PPP1R1C: variants seen among roughly 807,000 people sequenced by gnomAD.
PPP1R1C encodes protein phosphatase 1 regulatory subunit 1C.
PPP1R1C carries 15 observed loss-of-function variants against 17.4 expected under a neutral mutation model. That is an observed-to-expected ratio of 0.86 (90% CI 0.58 to 1.33). The LOEUF is 1.33. PPP1R1C is among the 40% of genes most tolerant of loss of function. The pLI, the probability that PPP1R1C is intolerant of heterozygous loss-of-function variation, is 0.00. For synonymous variants in PPP1R1C, 35 were observed against 43.1 expected (o/e 0.81, Z 0.73); for missense variants, 143 against 130.0 (o/e 1.10, Z -0.48).
chr2:182,091,488 TAAAAA>T (rs140631695), intron 4 of PPP1R1C, among the ~76,000 whole-genome samples: 1 of 146,320 alleles, frequency 6.8e-6, no homozygotes, highest in Non-Finnish European at 1.5e-5. Context: ...AAAAAAATAA[TAAAAA>T]AAAAAGGTAA....
At chr2:182,008,102 A>G (rs11893990) in intron 2 of PPP1R1C, among the ~76,000 whole-genome samples, 3 of 151,836 alleles carry the variant, frequency 2.0e-5, no homozygotes, top group African/African-American at 4.8e-5. Context: ...AAAATAAAAT[A>G]AAATGAAATC....
At chr2:182,048,455 A>C (rs779900391) in intron 2 of PPP1R1C, among the ~76,000 whole-genome samples, 24 of 152,248 alleles carry the variant, frequency 1.6e-4, no homozygotes, top group Non-Finnish European at 3.1e-4. Context: ...ATTTAGCCTT[A>C]CTAAAAAGAA....
chr2:182,067,844 A>G (rs552928214), intron 4 of PPP1R1C, among the ~76,000 whole-genome samples: 1 of 152,200 alleles, frequency 6.6e-6, no homozygotes, highest in East Asian at 1.9e-4. Context: ...GTACTTGGAA[A>G]CAGAGTTTAT....
intron 2 of PPP1R1C, among the ~76,000 whole-genome samples, chr2:182,003,656 C>T (rs1685835246): frequency 6.6e-6 from 1 of 150,406 alleles, no homozygotes; most frequent in Non-Finnish European, 1.5e-5. Context: ...AGCTAATAAA[C>T]TCAATAGTCA....
At chr2:181,974,305 T>C (rs1685060284) in intron 1 of PPP1R1C, among the ~76,000 whole-genome samples, 1 of 152,218 alleles carries the variant, frequency 6.6e-6, no homozygotes, top group Non-Finnish European at 1.5e-5. Flanking sequence ...TCTTACTTGA[T>C]ATTTATCTAT....
At chr2:182,077,872 A>G (rs1250639543) in intron 4 of PPP1R1C, among the ~76,000 whole-genome samples, 2 of 152,200 alleles carry the variant, frequency 1.3e-5, no homozygotes, top group Non-Finnish European at 2.9e-5. Context: ...GTACAAGTAG[A>G]AAATAATGTT....
intron 2 of PPP1R1C, among the ~76,000 whole-genome samples, chr2:182,030,568 G>T (rs374075645): frequency 1.3e-5 from 2 of 150,024 alleles, no homozygotes; most frequent in Non-Finnish European, 3.0e-5. Context: ...CAGTCTGCCC[G>T]TTCTCAGATC....
At chr2:182,098,054 GTTTCT>G (rs1445315978) in intron 4 of PPP1R1C, among the ~76,000 whole-genome samples, 1 of 151,824 alleles carries the variant, frequency 6.6e-6, no homozygotes, top group Non-Finnish European at 1.5e-5. Context: ...AAGAAAAAGT[GTTTCT>G]TTTCTTTTAC....
chr2:182,020,424 A>G (rs559029805), intron 2 of PPP1R1C, among the ~76,000 whole-genome samples: 6 of 152,322 alleles, frequency 3.9e-5, no homozygotes, highest in Non-Finnish European at 8.8e-5. Flanking sequence ...TGAGAGCCAC[A>G]TGAGGATTCT....
upstream of PPP1R1C, among the ~76,000 whole-genome samples, chr2:181,984,803 A>G (rs1464868206): frequency 6.6e-6 from 1 of 152,238 alleles, no homozygotes; most frequent in Non-Finnish European, 1.5e-5. Context: ...TTACAAATCT[A>G]GTATTCATCA....
At chr2:182,020,257 T>C (rs955454841) in intron 2 of PPP1R1C, among the ~76,000 whole-genome samples, 2 of 152,230 alleles carry the variant, frequency 1.3e-5, no homozygotes, top group Non-Finnish European at 2.9e-5. Context: ...ACAGATTATA[T>C]GTTTTAATTC....
At chr2:182,120,189 C>T (rs1261149398), downstream of PPP1R1C, among the ~76,000 whole-genome samples, 1 of 152,082 alleles carries the variant, frequency 6.6e-6, no homozygotes, top group East Asian at 1.9e-4. Context: ...CTTGTTTTTG[C>T]CAGGTTTGTC....
intron 4 of PPP1R1C, among the ~76,000 whole-genome samples, chr2:182,075,793 T>A (rs759177317): frequency 3.9e-4 from 60 of 152,334 alleles, no homozygotes; most frequent in Admixed American, 2.4e-3. Flanking sequence ...AGTCTGAGCA[T>A]CTCACTTCAA....
intron 2 of PPP1R1C, among the ~76,000 whole-genome samples, chr2:181,997,057 GT>G (rs1180893399): frequency 6.6e-6 from 1 of 151,712 alleles, no homozygotes; most frequent in Non-Finnish European, 1.5e-5. Flanking sequence ...GTGAAACCCT[GT>G]CTTTACTAGA....
At chr2:182,032,548 C>T (rs979032379) in intron 2 of PPP1R1C, among the ~76,000 whole-genome samples, 1 of 151,984 alleles carries the variant, frequency 6.6e-6, no homozygotes, top group Non-Finnish European at 1.5e-5. Flanking sequence ...CATAGTGGGC[C>T]CCACCACATA....
intron 2 of PPP1R1C, among the ~76,000 whole-genome samples, chr2:182,042,222 A>T (rs1288242197): frequency 6.6e-6 from 1 of 152,212 alleles, no homozygotes; most frequent in Non-Finnish European, 1.5e-5. Context: ...AAGAAGAATA[A>T]ATACTTCTTG....
chr2:182,084,576 T>C (rs758189880), intron 4 of PPP1R1C, among the ~76,000 whole-genome samples: 50 of 152,088 alleles, frequency 3.3e-4, no homozygotes, highest in Non-Finnish European at 4.3e-4. Flanking sequence ...CAGCTGGCTG[T>C]ATTTGGTTTT....
intron 2 of PPP1R1C, among the ~76,000 whole-genome samples, chr2:182,054,829 T>A (rs552109324): frequency 2.8e-4 from 42 of 152,144 alleles, no homozygotes; most frequent in African/African-American, 8.9e-4. Context: ...CCTGGCTAAT[T>A]TTCATATTTT....
chr2:182,016,378 T>G (rs1686263540), intron 2 of PPP1R1C, among the ~76,000 whole-genome samples: 1 of 152,216 alleles, frequency 6.6e-6, no homozygotes, highest in Admixed American at 6.5e-5. Context: ...ATGAAGTTGC[T>G]TTCTTGTGTG....
Sources: gnomAD v4.1 joint callset for allele counts (sites outside exome capture counted in the v4.1 genomes callset) on GRCh38, gnomAD v4.1.1 for gene constraint, MANE v1.5 for transcripts, NCBI Gene and HGNC (gene_info 2026-07-23, HGNC 2026-07-21) for gene names.